The following LUC7L variants were observed in gnomAD, a reference collection of about 807,000 sequenced individuals.
LUC7L encodes the protein putative RNA-binding protein Luc7-like 1.
Under a neutral mutation model 51.1 loss-of-function variants are expected in LUC7L, and 29 were observed. The observed-to-expected ratio is 0.57, with a 90% CI of 0.42 to 0.77. The LOEUF is 0.77. LUC7L is among the 30% of genes least tolerant of loss of function. The pLI is 0.00. For missense variants in LUC7L, 403 were observed against 511.9 expected (o/e 0.79, Z 2.05); for synonymous variants, 181 against 180.7 (o/e 1.00, Z -0.01).
rs955007828 is a variant in LUC7L at position 228,148 on chromosome 16, T to C, written c.62-812A>G. On this transcript the variant is annotated intron_variant, in intron 1 of 9. Coordinates refer to ENST00000293872, the MANE Select transcript of LUC7L (RefSeq NM_201412.3). ...TGTGACAAATTTTAAAGCTAGTCTG[T>C]GTATACAACACAGAGCTGTGCAACG... 6.8e-6 allele frequency: 8 copies of C among 1,177,592 alleles called. No homozygotes were observed. In the East Asian group the frequency reaches 3.7e-4, roughly 54 times the overall value. The allele number at this position is 1,177,592 out of a possible 1,614,324, so 72.9% of individuals were successfully genotyped here. A position where few individuals can be genotyped will look rare whatever the true frequency, so the allele number is the denominator to read the frequency against.
At chr16:207,475 G>A (rs1415708206) in intron 4 of LUC7L, among the ~76,000 whole-genome samples, 1 of 152,108 alleles carries the variant, frequency 6.6e-6, no homozygotes, top group Non-Finnish European at 1.5e-5. Flanking sequence ...CCACCTTGGT[G>A]TCCCAAAGTG....
At chr16:193,864 C>T (rs2049079863) in intron 6 of LUC7L, among the ~76,000 whole-genome samples, 1 of 149,130 alleles carries the variant, frequency 6.7e-6, no homozygotes, top group African/African-American at 2.5e-5. Flanking sequence ...AGTGCAGTGG[C>T]GCAATCTCGG....
chr16:222,350 G>GAAA (rs2049994804), intron 2 of LUC7L, among the ~76,000 whole-genome samples: 2 of 145,708 alleles, frequency 1.4e-5, no homozygotes, highest in Non-Finnish European at 3.0e-5. Context: ...AAAAAAAGAC[G>GAAA]TTAGTACCAG....
At chr16:229,163 G>A (rs1386444998) in intron 1 of LUC7L, 116 bp downstream of exon 1, 89 of 1,448,058 alleles carry the variant, frequency 6.1e-5, no homozygotes, top group Non-Finnish European at 7.7e-5. Flanking sequence ...GGGGGAGGAG[G>A]AGCGATGCCC....
rs368650717 is a variant in LUC7L, at chr16:189,273, C to T, written c.1041G>A (p.Pro347=). Residue 347 remains proline, a synonymous_variant, in exon 10 of 10, where the codon CCG becomes CCA. Coordinates refer to ENST00000293872, the MANE Select transcript of LUC7L (RefSeq NM_201412.3). ...CGTTGGAGCTCTCAAGCCTCCAGTC[C>T]GGGGGCCCTCGCTCGCTCCGCCCGC... is the stretch of plus-strand genomic sequence containing the variant. ...WESGRSERGP[P]DWRLESSNGK... 584 of 1,613,702 alleles carry T rather than the reference C, an allele frequency of 3.6e-4. No individual in the cohort carries two copies. Among genetic ancestry groups the T allele is most frequent in the Non-Finnish European group, 4.7e-4 (554 of 1,179,966 alleles).
chr16:228,655 G>A (rs2050186306), intron 1 of LUC7L: 1 of 1,182,436 alleles, frequency 8.5e-7, no homozygotes, highest in East Asian at 5.9e-5. Context: ...TTTCTCCTGT[G>A]ACAACCATCA....
At chr16:189,395 G>A (rs1211739583) in intron 9 of LUC7L, 56 bp from the exon 10 acceptor site, 29 of 1,555,152 alleles carry the variant, frequency 1.9e-5, no homozygotes, top group East Asian at 6.8e-5. Flanking sequence ...TCTGCTGGCC[G>A]CTCAGGCACT....
intron 7 of LUC7L, among the ~76,000 whole-genome samples, chr16:191,376 T>C (rs112906772): frequency 1.5e-4 from 23 of 152,304 alleles, no homozygotes; most frequent in African/African-American, 4.6e-4. Context: ...GAGGCCTCAT[T>C]CTATGCCCGT....
chr16:209,466 G>C (rs1010019215), intron 3 of LUC7L: 6 of 146,428 alleles, frequency 4.1e-5, no homozygotes, highest in African/African-American at 1.6e-4. Context: ...CTCCAGCCTG[G>C]GCAACAGAGC....
At chr16:206,212 G>C in intron 4 of LUC7L, 65 bp from the exon 5 acceptor site, 5 of 1,478,834 alleles carry the variant, frequency 3.4e-6, no homozygotes, top group Non-Finnish European at 4.7e-6. Flanking sequence ...AGGCAACAAG[G>C]GTTTCTCCTG....
At chr16:228,853 C>A in intron 1 of LUC7L, 1 of 1,297,696 alleles carries the variant, frequency 7.7e-7, no homozygotes, top group Non-Finnish European at 1.0e-6. Flanking sequence ...GCCAGGTTTT[C>A]GAGGCCCATC....
At chr16:192,120 G>C (rs1174424451) in intron 7 of LUC7L, among the ~76,000 whole-genome samples, 1 of 152,060 alleles carries the variant, frequency 6.6e-6, no homozygotes, top group Non-Finnish European at 1.5e-5. Context: ...CTCCGGGCCA[G>C]AAACCAGGAG....
At chr16:227,885 G>C in intron 1 of LUC7L, 1 of 1,000,916 alleles carries the variant, frequency 1.0e-6, no homozygotes, top group Non-Finnish European at 1.2e-6. Context: ...TTAAAAAAGA[G>C]AGTTGCTACC....
rs1596585698 is a variant in LUC7L, at chr16:189,812, C to G, written c.974+156G>C. 1.4e-5 allele frequency: 20 copies of G among 1,437,068 alleles called. No individual in the cohort carries two copies. The East Asian group carries it at 5.0e-4, about 36-fold the overall frequency. The allele number at this position is 1,437,068 out of a possible 1,614,324, so 89.0% of individuals were successfully genotyped here. On this transcript the variant is annotated intron_variant, in intron 9 of 9. Transcript: ENST00000293872. Reference sequence around the variant, plus strand: ...GCGAGCTCCTCCACAGCCCTCTCGCCTCTTCCCACACCTGAGTCCCGTTCA... The same window carrying G: ...GCGAGCTCCTCCACAGCCCTCTCGCGTCTTCCCACACCTGAGTCCCGTTCA...
At chr16:201,724 C>G (rs2049337586) in intron 5 of LUC7L, among the ~76,000 whole-genome samples, 1 of 147,946 alleles carries the variant, frequency 6.8e-6, no homozygotes, top group Admixed American at 6.8e-5. Flanking sequence ...CAGGCGTGAG[C>G]CACCGCACCA....
In LUC7L at chr16:229,373, C is replaced by A. The variant is rs762930156; in HGVS notation, c.-34G>T. The A allele has an allele frequency of 1.1e-5, 17 of 1,483,694 alleles. No homozygotes were observed. In the South Asian group the frequency reaches 2.2e-4, roughly 19 times the overall value. 91.9% of individuals were successfully genotyped at this position (1,483,694 alleles called of 1,614,324 possible). ...GCGGAGGCGACGGGGTCGGCCGCGA[C>A]GACTTCTCTCAGGCAGGCGGTGGCA... On this transcript the variant is annotated 5_prime_UTR_variant, in exon 1 of 10. Transcript: ENST00000293872.
At chr16:189,839 G>A (rs1043928921) in intron 9 of LUC7L, 129 bp downstream of exon 9, 174 of 1,462,254 alleles carry the variant, frequency 1.2e-4, no homozygotes, top group Middle Eastern at 2.5e-4. Flanking sequence ...TCCCGTTCAC[G>A]ACTCCCCAGC....
intron 5 of LUC7L, among the ~76,000 whole-genome samples, chr16:203,329 C>T (rs1378943683): frequency 3.9e-5 from 6 of 152,126 alleles, no homozygotes; most frequent in African/African-American, 1.4e-4. Flanking sequence ...TCTCTACAAT[C>T]GCTTTCAGAA....
intron 2 of LUC7L, among the ~76,000 whole-genome samples, chr16:225,815 G>T (rs866093143): frequency 6.8e-6 from 1 of 147,800 alleles, no homozygotes; most frequent in South Asian, 2.1e-4. Flanking sequence ...AAAAAGAAAA[G>T]AAAAGAAAAG....
Sources: gnomAD v4.1 joint callset for allele counts (sites outside exome capture counted in the v4.1 genomes callset) on GRCh38, gnomAD v4.1.1 for gene constraint, MANE v1.5 for transcripts, NCBI Gene and HGNC (gene_info 2026-07-23, HGNC 2026-07-21) for gene names.